ZNF33A: variants seen among roughly 807,000 people sequenced by gnomAD.
The protein encoded by ZNF33A is zinc finger protein 33A, also known as brain my041 protein.
ZNF33A carries 9 observed loss-of-function variants against 15.9 expected under a neutral mutation model. That is an observed-to-expected ratio of 0.57 (90% CI 0.34 to 0.99). The LOEUF is 0.99. Among genes scored for constraint, ZNF33A ranks in the 50% least tolerant of loss-of-function variants. The pLI is 0.02. For synonymous variants in ZNF33A, 294 were observed against 324.2 expected, an observed-to-expected ratio of 0.91 and a Z score of 1.00; for missense variants, 843 against 941.6, an observed-to-expected ratio of 0.90 and a Z score of 1.37.
chr10:38,053,572 T>G (rs2066312551), intron 4 of ZNF33A, among the ~76,000 whole-genome samples: 1 of 152,194 alleles, frequency 6.6e-6, no homozygotes, highest in Non-Finnish European at 1.5e-5. Context: ...CACAGTTTAG[T>G]CCATAACAGA....
intron 4 of ZNF33A, among the ~76,000 whole-genome samples, chr10:38,051,368 A>G (rs2066195762): frequency 6.6e-6 from 1 of 152,176 alleles, no homozygotes; most frequent in Non-Finnish European, 1.5e-5. Flanking sequence ...TTTAACCCAT[A>G]TTGTCACAAC....
chr10:38,056,387 A>T lies in ZNF33A; in HGVS notation c.2263A>T (p.Arg755Trp), dbSNP rs752639119. ...GEKPYECNTC[R>W]KTFSQKSNLI... ...AAAGCCCTATGAATGTAACACATGC[A>T]GGAAAACTTTCTCTCAAAAGTCAAA... The change falls in exon 5 of 5, where the codon AGG becomes TGG. Residue 755 changes from arginine (R) to tryptophan (W), a missense_variant. Transcript: ENST00000432900. 3.7e-6 allele frequency: 6 copies of T among 1,614,044 alleles called. No homozygotes were observed. The South Asian group carries it at 5.5e-5, about 15-fold the overall frequency.
At chr10:38,027,599 G>A (rs1269766964) in intron 4 of ZNF33A, among the ~76,000 whole-genome samples, 1 of 151,220 alleles carries the variant, frequency 6.6e-6, no homozygotes, top group Non-Finnish European at 1.5e-5. Context: ...GATCCACCTT[G>A]GCCTCCCAAA....
rs1291203575 is a variant in ZNF33A at position 38,055,960 on chromosome 10, T to G, written c.1836T>G (p.Asn612Lys). Reference protein sequence around the residue: ...THTGEKPYECNECGKAFYQKS... With the variant: ...THTGEKPYECKECGKAFYQKS... ...CAGGGGAGAAACCCTATGAATGTAA[T>G]GAATGTGGAAAAGCCTTCTACCAGA... Residue 612 changes from asparagine to lysine, a missense_variant, in exon 5 of 5, where the codon AAT (asparagine) becomes AAG (lysine). Coordinates refer to ENST00000432900, the MANE Select transcript of ZNF33A (RefSeq NM_006954.2). 3 of 1,613,764 alleles carry G rather than the reference T, an allele frequency of 1.9e-6. No homozygotes were observed. Among genetic ancestry groups the G allele is most frequent in the Non-Finnish European group, 2.5e-6 (3 of 1,179,906 alleles).
In ZNF33A at chr10:38,056,249, A is replaced by T; in HGVS notation, c.2125A>T (p.Thr709Ser). 5.0e-6 allele frequency: 8 copies of T among 1,614,150 alleles called. No individual in the cohort carries two copies. Among genetic ancestry groups the T allele is most frequent in the Non-Finnish European group, 6.8e-6 (8 of 1,179,998 alleles). ...GKFFRHKSSL[T>S]VHHRAHTGEK... Reference sequence around the variant, plus strand: ...ATTCTTCAGGCACAAATCATCACTCACAGTACATCACAGGGCTCACACAGG... The same window carrying T: ...ATTCTTCAGGCACAAATCATCACTCTCAGTACATCACAGGGCTCACACAGG... Residue 709 changes from threonine to serine, a missense_variant, in exon 5 of 5, where the codon ACA (threonine) becomes TCA (serine). By Grantham distance (58) the Thr-to-Ser change is moderately conservative. Coordinates refer to ENST00000432900, the MANE Select transcript of ZNF33A (RefSeq NM_006954.2).
intron 4 of ZNF33A, among the ~76,000 whole-genome samples, chr10:38,027,174 ATTTTC>A (rs2065022179): frequency 2.1e-5 from 3 of 145,534 alleles, no homozygotes; most frequent in Non-Finnish European, 3.0e-5. Context: ...GTTCTTGTTC[ATTTTC>A]TTTTCTTTTT....
At chr10:38,061,284 T>C (rs146374040), downstream of ZNF33A, among the ~76,000 whole-genome samples, 31 of 152,218 alleles carry the variant, frequency 2.0e-4, no homozygotes, top group East Asian at 5.8e-3. Context: ...CCCTTTCCTG[T>C]GCTGCTCCTT....
In ZNF33A at chr10:38,057,603, A is replaced by T; in HGVS notation, c.*1043A>T. 10 of 983,274 alleles carry T rather than the reference A, an allele frequency of 1.0e-5. No individual in the cohort carries two copies. The highest frequency in any genetic ancestry group is 1.2e-5 in the Non-Finnish European group (10 of 827,938). The allele number at this position is 983,274 out of a possible 1,614,324, so 60.9% of individuals were successfully genotyped here. ...AGACCCACAGAGCTAATGTTTATCCATTTAAAAGGTATAAATCAAAATAAC... is the reference window on the plus strand; with the variant it reads ...AGACCCACAGAGCTAATGTTTATCCTTTTAAAAGGTATAAATCAAAATAAC... On this transcript the variant is annotated 3_prime_UTR_variant, in exon 5 of 5. Transcript: ENST00000432900.
chr10:38,044,754 G>A (rs1345905114), intron 4 of ZNF33A, among the ~76,000 whole-genome samples: 5 of 151,828 alleles, frequency 3.3e-5, no homozygotes, highest in African/African-American at 9.7e-5. Context: ...TGCAACCTCC[G>A]CCTCCCAGGT....
intron 4 of ZNF33A, among the ~76,000 whole-genome samples, chr10:38,049,288 A>T (rs894230408): frequency 7.2e-5 from 11 of 152,108 alleles, no homozygotes; most frequent in African/African-American, 2.7e-4. Context: ...TATAGCAAAT[A>T]TAAAATACCT....
At chr10:38,017,097 T>C in intron 3 of ZNF33A, 82 bp downstream of exon 3, 2 of 1,531,548 alleles carry the variant, frequency 1.3e-6, no homozygotes, top group Non-Finnish European at 1.8e-6. Context: ...CTGTATAGTT[T>C]AATGATATTT....
Position 38,054,630 on chromosome 10 carries a change from A to G in ZNF33A, c.506A>G (p.Glu169Gly). ...KINYLGKKSD[E>G]FNACGKLLLN... ...AACTATTTAGGAAAAAAGTCTGATG[A>G]ATTTAATGCCTGTGGGAAATTGTTA... is the stretch of plus-strand genomic sequence containing the variant. The change falls in exon 5 of 5, where the codon GAA becomes GGA. Residue 169 changes from glutamate to glycine, a missense_variant. Glu to Gly is a moderately conservative substitution (Grantham distance 98). Transcript: ENST00000432900. The G allele has an allele frequency of 1.2e-6, 2 of 1,612,644 alleles. No individual in the cohort carries two copies.
chr10:38,034,979 G>C (rs141617268), intron 4 of ZNF33A, among the ~76,000 whole-genome samples: 177 of 152,070 alleles, frequency 1.2e-3, no homozygotes, highest in Admixed American at 3.4e-3. Flanking sequence ...AGCTAAACAT[G>C]TGTTTATACT....
intron 2 of ZNF33A, among the ~76,000 whole-genome samples, chr10:38,012,995 C>G (rs1391923857): frequency 7.2e-5 from 11 of 152,136 alleles, no homozygotes; most frequent in Admixed American, 7.2e-4. Flanking sequence ...CCAGTGATAA[C>G]CCTGAAATGA....
chr10:38,050,138 AC>A (rs1338422488), intron 4 of ZNF33A, among the ~76,000 whole-genome samples: 2 of 152,232 alleles, frequency 1.3e-5, no homozygotes, highest in Admixed American at 1.3e-4. Context: ...AAGAGGGAAT[AC>A]TTCCTAAATC....
At chr10:38,041,262 C>A (rs1179904991) in intron 4 of ZNF33A, among the ~76,000 whole-genome samples, 1 of 151,990 alleles carries the variant, frequency 6.6e-6, no homozygotes, top group Non-Finnish European at 1.5e-5. Flanking sequence ...CTTCACCCTC[C>A]TCCCCACCCC....
Position 38,024,165 on chromosome 10 carries a change from A to AAAC in ZNF33A, c.250+6781_250+6782insCAA, listed in dbSNP as rs1213124905. Among the ~76,000 whole-genome samples, 163 of 134,946 alleles carry AAAC rather than the reference A, an allele frequency of 1.2e-3. 2 individuals carry two copies. The highest frequency in any genetic ancestry group is 5.3e-3 in the South Asian group (18 of 3,412). 88.5% of individuals were successfully genotyped at this position (134,946 alleles called of 152,430 possible). Reference sequence around the variant, plus strand: ...GAAACTCCGTCTCAAAAACAAAACAAAAAAAAAAAAAAAAAAGAAAAAATG... The same window carrying AAAC: ...GAAACTCCGTCTCAAAAACAAAACAAAACAAAAAAAAAAAAAAAAGAAAAAATG... On this transcript the variant is annotated intron_variant, in intron 4 of 4. Coordinates refer to ENST00000432900, the MANE Select transcript of ZNF33A (RefSeq NM_006954.2).
chr10:38,052,526 A>G (rs1295830108), intron 4 of ZNF33A, among the ~76,000 whole-genome samples: 2 of 152,214 alleles, frequency 1.3e-5, no homozygotes, highest in Non-Finnish European at 2.9e-5. Context: ...TTTGTTGTTA[A>G]CATGACTTAT....
chr10:38,029,513 A>G (rs561692704), intron 4 of ZNF33A, among the ~76,000 whole-genome samples: 8 of 152,180 alleles, frequency 5.3e-5, no homozygotes, highest in Admixed American at 2.0e-4. Context: ...TCACTTGGTT[A>G]CTGTAAACCT....
Sources: gnomAD v4.1 joint callset for allele counts (sites outside exome capture counted in the v4.1 genomes callset) on GRCh38, gnomAD v4.1.1 for gene constraint, MANE v1.5 for transcripts, NCBI Gene and HGNC (gene_info 2026-07-23, HGNC 2026-07-21) for gene names.